ZNF621: variants seen among roughly 807,000 people sequenced by gnomAD.
ZNF621 encodes zinc finger protein 621.
In ZNF621, 6 loss-of-function variants were observed where a neutral mutation model predicts 12.7. The observed-to-expected ratio is 0.47, with a 90% CI of 0.26 to 0.93. ZNF621 has a LOEUF of 0.93. ZNF621 is among the 40% of genes least tolerant of loss of function. The pLI is 0.15. For synonymous variants in ZNF621, 156 were observed against 190.3 expected, an observed-to-expected ratio of 0.82 and a Z score of 1.48; for missense variants, 474 against 524.0, an observed-to-expected ratio of 0.90 and a Z score of 0.93.
chr3:40,523,792 CAA>C (rs560219486), upstream of ZNF621, among the ~76,000 whole-genome samples: 3 of 66,760 alleles, frequency 4.5e-5, no homozygotes, highest in Admixed American at 1.4e-4. Context: ...AAAAAACAAG[CAA>C]AAAAAAAAAA....
In ZNF621 at chr3:40,525,883, A is replaced by G; in HGVS notation, c.24+19A>G. 1 of 1,611,678 alleles carries G rather than the reference A, an allele frequency of 6.2e-7. No homozygotes were observed. The highest frequency in any genetic ancestry group is 8.5e-7 in the Non-Finnish European group (1 of 1,179,558). On this transcript the variant is annotated intron_variant, in intron 2 of 4. Transcript: ENST00000339296. Reference sequence around the variant, plus strand: ...GCCTCAGGTGAGCTGAGCTTCTTTCAGTTTTTTTGTTTGTTTGTTTATGTT... The same window carrying G: ...GCCTCAGGTGAGCTGAGCTTCTTTCGGTTTTTTTGTTTGTTTGTTTATGTT...
chr3:40,531,406 C>CT, intron 4 of ZNF621, among the ~76,000 whole-genome samples: 1 of 151,872 alleles, frequency 6.6e-6, no homozygotes, highest in Non-Finnish European at 1.5e-5. Context: ...CTTCTTTTTT[C>CT]TTTTTTGTCC....
chr3:40,525,700 G>T, intron 1 of ZNF621, 79 bp from the exon 2 acceptor site: 1 of 1,110,346 alleles, frequency 9.0e-7, no homozygotes, highest in Non-Finnish European at 1.4e-6. Flanking sequence ...TGCTGGAAAT[G>T]TGGAAACTGG....
At chr3:40,525,681 T>C in intron 1 of ZNF621, 98 bp from the exon 2 acceptor site, 1 of 870,608 alleles carries the variant, frequency 1.1e-6, no homozygotes, top group Admixed American at 2.0e-5. Flanking sequence ...AGAATCTCCG[T>C]GCATCCAGTG....
chr3:40,533,136 A>G lies in ZNF621; in HGVS notation c.*46A>G, dbSNP rs1218033298. The G allele has an allele frequency of 3.9e-6, 6 of 1,519,402 alleles. No individual in the cohort carries two copies. Among genetic ancestry groups the G allele is most frequent in the Non-Finnish European group, 5.3e-6 (6 of 1,132,400 alleles). The allele number at this position is 1,519,402 out of a possible 1,614,324, so 94.1% of individuals were successfully genotyped here. Reference sequence around the variant, plus strand: ...CGGCTCTTATGCCTAGCAAATCTCCAGCCTAATTTTATATATTTTTTTGAG... The same window carrying G: ...CGGCTCTTATGCCTAGCAAATCTCCGGCCTAATTTTATATATTTTTTTGAG... On this transcript the variant is annotated 3_prime_UTR_variant, in exon 5 of 5. Coordinates refer to ENST00000339296, the MANE Select transcript of ZNF621 (RefSeq NM_198484.5).
rs367913818 is a variant in ZNF621, at chr3:40,530,304, G to C, written c.247G>C (p.Gly83Arg). The change falls in exon 4 of 5, where the codon GGC (glycine) becomes CGC (arginine). Residue 83 changes from glycine to arginine, a missense_variant. By Grantham distance (125) the Gly-to-Arg change is moderately radical. Transcript: ENST00000339296. ...TCCCTGGGACACCGAGATTCTGAGA[G>C]GCATCAGTCAAGGTGAGTATGAGAA... is the stretch of plus-strand genomic sequence containing the variant. ...PDPWDTEILR[G>R]ISQGGESWIK... is the part of the protein sequence containing the mutation. 9.3e-6 allele frequency: 15 copies of C among 1,613,716 alleles called. No homozygotes were observed. In the African/African-American group the frequency reaches 1.6e-4, roughly 17 times the overall value.
chr3:40,531,786 A>G (rs1210931325), intron 4 of ZNF621, among the ~76,000 whole-genome samples: 2 of 151,058 alleles, frequency 1.3e-5, no homozygotes, highest in Non-Finnish European at 3.0e-5. Flanking sequence ...CTGGTCTCGA[A>G]CTCCTGAGCT....
At chr3:40,523,466 A>G (rs910112129), upstream of ZNF621, among the ~76,000 whole-genome samples, 1 of 152,108 alleles carries the variant, frequency 6.6e-6, no homozygotes. Context: ...AGCGTGATTA[A>G]AGTAAAACAA....
chr3:40,532,762 A>G lies in ZNF621; in HGVS notation c.992A>G (p.Tyr331Cys). ...CKVCGKAFKW[Y>C]GSFVQHQKLH... is the part of the protein sequence containing the mutation. ...GTGTGTGGGAAAGCCTTCAAATGGT[A>G]TGGAAGTTTTGTTCAGCATCAGAAA... is the stretch of plus-strand genomic sequence containing the variant. Residue 331 changes from tyrosine (Y) to cysteine (C), a missense_variant, in exon 5 of 5, where the codon TAT (tyrosine) becomes TGT (cysteine). Physicochemically the swap from Tyr to Cys is radical, Grantham distance 194 (BLOSUM62 -2). Coordinates refer to ENST00000339296, the MANE Select transcript of ZNF621 (RefSeq NM_198484.5). 7 of 1,614,202 alleles carry G rather than the reference A, an allele frequency of 4.3e-6. No individual in the cohort carries two copies. Among genetic ancestry groups the G allele is most frequent in the East Asian group, 2.2e-5 (1 of 44,876 alleles).
chr3:40,530,922 G>GCA (rs1255316423), intron 4 of ZNF621, among the ~76,000 whole-genome samples: 4 of 152,038 alleles, frequency 2.6e-5, no homozygotes, highest in African/African-American at 9.7e-5. Context: ...ACGCACATGT[G>GCA]CACACACACA....
rs866649756 is a variant in ZNF621, at chr3:40,536,954, C to T, written c.*3864C>T. On this transcript the variant is annotated 3_prime_UTR_variant, in exon 5 of 5. Coordinates refer to ENST00000339296, the MANE Select transcript of ZNF621 (RefSeq NM_198484.5). ...TGTTTTGGGGTGCCACAGACTGCATCCATCTAAGACAGTGAGCTTAGTTGA... is the reference window on the plus strand; with the variant it reads ...TGTTTTGGGGTGCCACAGACTGCATTCATCTAAGACAGTGAGCTTAGTTGA... 1 of 152,094 alleles carries T rather than the reference C, an allele frequency of 6.6e-6. No homozygotes were observed. The highest frequency in any genetic ancestry group is 2.4e-5 in the African/African-American group (1 of 41,408). The allele number at this position is 152,094 out of a possible 1,614,324, so 9.4% of individuals were successfully genotyped here.
rs985288195 is a variant in ZNF621, at chr3:40,534,885, G to A, written c.*1795G>A. On this transcript the variant is annotated 3_prime_UTR_variant, in exon 5 of 5. Transcript: ENST00000339296. ...CTGCACCAAAAATGATCAGGAGAAA[G>A]CATATTACCAGGCTGAACTGTCACT... is the stretch of plus-strand genomic sequence containing the variant. 7 of 152,228 alleles carry A rather than the reference G, an allele frequency of 4.6e-5. No homozygotes were observed. Among genetic ancestry groups the A allele is most frequent in the African/African-American group, 1.7e-4 (7 of 41,454 alleles). The allele number at this position is 152,228 out of a possible 1,614,324, so 9.4% of individuals were successfully genotyped here.
In ZNF621 at chr3:40,532,310, G is replaced by A. The variant is rs1698746743; in HGVS notation, c.540G>A (p.Lys180=). 4.3e-6 allele frequency: 7 copies of A among 1,612,424 alleles called. No individual in the cohort carries two copies. Among genetic ancestry groups the A allele is most frequent in the Non-Finnish European group, 5.9e-6 (7 of 1,180,038 alleles). Residue 180 remains lysine, a synonymous_variant, in exon 5 of 5, where the codon AAG becomes AAA. Transcript: ENST00000339296. The part of the protein sequence containing the change: ...QMSHTGEKPF[K]CKECGKAFKS... ...GTCATACTGGGGAAAAGCCCTTTAA[G>A]TGTAAGGAGTGTGGCAAAGCTTTCA...
chr3:40,525,816 T>G lies in ZNF621; in HGVS notation c.-25T>G. 1 of 1,614,170 alleles carries G rather than the reference T, an allele frequency of 6.2e-7. No individual in the cohort carries two copies. Among genetic ancestry groups the G allele is most frequent in the South Asian group, 1.1e-5 (1 of 91,080 alleles). ...TTGCTTGTCCAAACCCAGAAGACAG[T>G]GCATGAAGCCAGGGGACATCCGCCA... On this transcript the variant is annotated 5_prime_UTR_variant, in exon 2 of 5. Transcript: ENST00000339296.
intron 4 of ZNF621, among the ~76,000 whole-genome samples, chr3:40,530,749 A>G (rs1698706088): frequency 6.6e-6 from 1 of 152,182 alleles, no homozygotes; most frequent in Non-Finnish European, 1.5e-5. Context: ...AATGGCTTTA[A>G]TTTGCCTTTT....
At chr3:40,529,173 T>C in intron 2 of ZNF621, 146 bp from the exon 3 acceptor site, 1 of 891,332 alleles carries the variant, frequency 1.1e-6, no homozygotes, top group Admixed American at 2.4e-5. Context: ...CCCCTGGCTG[T>C]GGTGGTGGGT....
intron 4 of ZNF621, among the ~76,000 whole-genome samples, chr3:40,530,673 T>G (rs991910599): frequency 6.6e-6 from 1 of 152,228 alleles, no homozygotes; most frequent in Non-Finnish European, 1.5e-5. Flanking sequence ...TATGATTTTT[T>G]GGGGCCAAAC....
chr3:40,529,679 G>A, intron 3 of ZNF621: 2 of 1,177,906 alleles, frequency 1.7e-6, no homozygotes, highest in South Asian at 1.3e-5. Flanking sequence ...CTGGAGGGCA[G>A]TGGCATAGCC....
intron 2 of ZNF621, 163 bp from the exon 3 acceptor site, chr3:40,529,156 G>A (rs1698657837): frequency 4.0e-6 from 3 of 743,702 alleles, no homozygotes; most frequent in Non-Finnish European, 6.5e-6. Flanking sequence ...TACTGGCTGA[G>A]GGCTCGCCCC....
Sources: allele counts gnomAD v4.1 joint callset (sites outside exome capture counted in the v4.1 genomes callset), GRCh38; gene constraint gnomAD v4.1.1; transcripts MANE v1.5; gene names NCBI Gene and HGNC (gene_info 2026-07-23, HGNC 2026-07-21).